Variants in SORCS3 observed in about 807,000 individuals in gnomAD.
The protein encoded by SORCS3 is VPS10 domain-containing receptor SorCS3.
In SORCS3, 57 loss-of-function variants were observed where a neutral mutation model predicts 146.3. The observed-to-expected ratio is 0.39, with a 90% CI of 0.31 to 0.49. The LOEUF (loss-of-function observed/expected upper bound fraction) is 0.49. Among genes scored for constraint, SORCS3 ranks in the 20% least tolerant of loss-of-function variants. The probability of loss-of-function intolerance (pLI) is 0.92; values close to 1 mark genes in which losing one functional copy is unlikely to be tolerated. For synonymous variants in SORCS3, 653 were observed against 618.5 expected (o/e 1.06, Z -0.83); for missense variants, 1,341 against 1,575.5 (o/e 0.85, Z 2.52).
intron 1 of SORCS3, among the ~76,000 whole-genome samples, chr10:104,723,538 A>G (rs1321233448): frequency 2.6e-5 from 4 of 152,044 alleles, no homozygotes; most frequent in Non-Finnish European, 2.9e-5. Context: ...TATCCTTGTT[A>G]ACTTTCTGTC....
At chr10:104,874,237 G>T (rs74387445) in intron 2 of SORCS3, among the ~76,000 whole-genome samples, 1 of 151,902 alleles carries the variant, frequency 6.6e-6, no homozygotes, top group Non-Finnish European at 1.5e-5. Context: ...GGCATTTTCA[G>T]AGTTTCTAGT....
At chr10:104,659,039 A>G (rs2015668405) in intron 1 of SORCS3, among the ~76,000 whole-genome samples, 1 of 152,230 alleles carries the variant, frequency 6.6e-6, no homozygotes, top group Non-Finnish European at 1.5e-5. Flanking sequence ...AAAGGGCATT[A>G]TAAACTATAA....
At chr10:104,964,033 T>C (rs1196875891) in intron 3 of SORCS3, among the ~76,000 whole-genome samples, 3 of 152,164 alleles carry the variant, frequency 2.0e-5, no homozygotes, top group Non-Finnish European at 4.4e-5. Context: ...AGGCCATTCA[T>C]CTGTCCCTTC....
chr10:104,920,077 A>G (rs2019072040), intron 3 of SORCS3, among the ~76,000 whole-genome samples: 1 of 152,230 alleles, frequency 6.6e-6, no homozygotes, highest in African/African-American at 2.4e-5. Flanking sequence ...GTGTTAGGCA[A>G]GATGGTTTAG....
chr10:105,013,986 C>G (rs1472640831), intron 4 of SORCS3, among the ~76,000 whole-genome samples: 1 of 122,992 alleles, frequency 8.1e-6, no homozygotes, highest in Non-Finnish European at 1.8e-5. Flanking sequence ...CACACAGACA[C>G]ACACACACAC....
intron 3 of SORCS3, among the ~76,000 whole-genome samples, chr10:104,932,067 T>C (rs1177625039): frequency 6.6e-6 from 1 of 152,184 alleles, no homozygotes; most frequent in Non-Finnish European, 1.5e-5. Flanking sequence ...ACTGCTGGCT[T>C]CCTGGTCTCA....
chr10:104,912,545 C>T (rs2018979726), intron 2 of SORCS3, among the ~76,000 whole-genome samples: 1 of 152,236 alleles, frequency 6.6e-6, no homozygotes, highest in African/African-American at 2.4e-5. Context: ...AGCGTGTTTT[C>T]TAGGCATTGT....
chr10:105,028,464 C>A (rs768640441), intron 4 of SORCS3, among the ~76,000 whole-genome samples: 3 of 152,120 alleles, frequency 2.0e-5, no homozygotes, highest in Non-Finnish European at 4.4e-5. Context: ...TTCTCCACTA[C>A]CTCCCCGTGA....
chr10:104,706,358 A>G (rs1265767990), intron 1 of SORCS3, among the ~76,000 whole-genome samples: 9 of 150,702 alleles, frequency 6.0e-5, no homozygotes, highest in African/African-American at 2.2e-4. Context: ...ACAGGCGTGC[A>G]CCACCACGCC....
At chr10:104,828,223 GC>G (rs2017959987) in intron 1 of SORCS3, among the ~76,000 whole-genome samples, 1 of 152,244 alleles carries the variant, frequency 6.6e-6, no homozygotes, top group East Asian at 1.9e-4. Flanking sequence ...TCTTTGCTAA[GC>G]TTAACCATTT....
intron 6 of SORCS3, among the ~76,000 whole-genome samples, chr10:105,090,152 A>T (rs2055692300): frequency 6.6e-6 from 1 of 152,196 alleles, no homozygotes; most frequent in Admixed American, 6.5e-5. Context: ...ATGGTATTTT[A>T]CATTCACATG....
At chr10:105,243,189 A>G (rs2056847184) in intron 20 of SORCS3, among the ~76,000 whole-genome samples, 1 of 151,050 alleles carries the variant, frequency 6.6e-6, no homozygotes, top group African/African-American at 2.4e-5. Flanking sequence ...GACCTGATGG[A>G]CTGACCAATA....
intron 23 of SORCS3, among the ~76,000 whole-genome samples, chr10:105,255,011 A>G (rs1399970262): frequency 6.6e-6 from 1 of 151,560 alleles, no homozygotes; most frequent in Non-Finnish European, 1.5e-5. Context: ...ACACGGTGAA[A>G]CCCCGTCTCT....
chr10:104,921,479 G>A (rs1012549906), intron 3 of SORCS3, among the ~76,000 whole-genome samples: 3 of 148,200 alleles, frequency 2.0e-5, no homozygotes, highest in African/African-American at 7.7e-5. Flanking sequence ...ATAGTTAGAG[G>A]TACATGTCTC....
intron 4 of SORCS3, among the ~76,000 whole-genome samples, chr10:104,994,886 T>A (rs756477705): frequency 6.6e-5 from 10 of 152,214 alleles, no homozygotes; most frequent in Admixed American, 6.5e-5. Flanking sequence ...AAAATAAAGT[T>A]GCAATGAGAA....
intron 2 of SORCS3, among the ~76,000 whole-genome samples, chr10:104,887,971 G>GGGTGGTGC (rs145157471): frequency 1.2e-5 from 1 of 83,034 alleles, no homozygotes; most frequent in African/African-American, 5.5e-5. Context: ...GGGGGGCGGG[G>GGGTGGTGC]GCGGAGCAAG....
intron 1 of SORCS3, among the ~76,000 whole-genome samples, chr10:104,727,560 T>C (rs940313537): frequency 6.6e-5 from 10 of 151,456 alleles, no homozygotes; most frequent in African/African-American, 2.2e-4. Flanking sequence ...TATATATATA[T>C]ATATAAGATG....
intron 4 of SORCS3, among the ~76,000 whole-genome samples, chr10:105,041,531 A>G (rs1490345731): frequency 6.6e-6 from 1 of 151,258 alleles, no homozygotes; most frequent in Non-Finnish European, 1.5e-5. Context: ...ATATGTGTGT[A>G]TATATACATA....
intron 7 of SORCS3, among the ~76,000 whole-genome samples, chr10:105,133,418 C>T (rs1457463522): frequency 1.3e-5 from 2 of 152,126 alleles, no homozygotes; most frequent in African/African-American, 4.8e-5. Context: ...CAGGTACAGA[C>T]TAGAGTTGGA....
Sources: gnomAD v4.1 joint callset for allele counts (sites outside exome capture counted in the v4.1 genomes callset) on GRCh38, gnomAD v4.1.1 for gene constraint, MANE v1.5 for transcripts, NCBI Gene and HGNC (gene_info 2026-07-23, HGNC 2026-07-21) for gene names.